The following CABP5 variants were observed in gnomAD, a reference collection of about 807,000 sequenced individuals.
CABP5 encodes calcium binding protein 5, also known as calcium-binding protein 5.
A neutral mutation model predicts 21.9 loss-of-function variants in CABP5; 17 were observed. The ratio of observed to expected loss-of-function variants is 0.78; its 90% CI spans 0.53 to 1.17. The LOEUF is 1.17. Among genes scored for constraint, CABP5 ranks in the 50% most tolerant of loss-of-function variants. CABP5 has a pLI of 0.00. For missense variants in CABP5, 229 were observed against 228.9 expected, an observed-to-expected ratio of 1.00 and a Z score of 0.00; for synonymous variants, 85 against 79.4, an observed-to-expected ratio of 1.07 and a Z score of -0.37.
intron 4 of CABP5, among the ~76,000 whole-genome samples, chr19:48,034,746 A>T (rs372720915): frequency 2.0e-5 from 3 of 151,700 alleles, no homozygotes; most frequent in African/African-American, 7.3e-5. Context: ...GGGTTTCACC[A>T]TGTTGGCCAG....
At chr19:48,042,580 CT>C (rs71181635) in intron 1 of CABP5, among the ~76,000 whole-genome samples, 6 of 128,470 alleles carry the variant, frequency 4.7e-5, no homozygotes, top group East Asian at 2.0e-4. Flanking sequence ...TTCTCTCTCT[CT>C]TTTTTTTTTT....
At chr19:48,043,758 C>G in intron 1 of CABP5, 102 bp downstream of exon 1, 1 of 1,001,154 alleles carries the variant, frequency 1.0e-6, no homozygotes, top group Non-Finnish European at 1.4e-6. Flanking sequence ...CTCTATCCAC[C>G]TGTTCCCCTG....
At chr19:48,038,416 C>G (rs1006450204) in intron 4 of CABP5, among the ~76,000 whole-genome samples, 7 of 152,202 alleles carry the variant, frequency 4.6e-5, no homozygotes, top group African/African-American at 1.7e-4. Flanking sequence ...GTCTGTTATT[C>G]TCACTGGGTC....
chr19:48,031,265 C>T (rs1032966656), intron 5 of CABP5, among the ~76,000 whole-genome samples: 5 of 152,132 alleles, frequency 3.3e-5, no homozygotes, highest in African/African-American at 9.7e-5. Context: ...GTTGGCCGGG[C>T]GCGGTGGCTC....
At position 48,039,206 on chromosome 19, in the gene CABP5, A is replaced by T; in HGVS notation, c.348+2T>A. ...ACCAGCACCATGACACTGTTAACTC[A>T]CCTCCTTGAAGGCATCCCGCATCTC... On this transcript the variant is annotated splice_donor_variant, in intron 4 of 5. Coordinates refer to ENST00000293255, the MANE Select transcript of CABP5 (RefSeq NM_019855.5). LOFTEE classifies it high-confidence loss of function. 1.2e-6 allele frequency: 2 copies of T among 1,610,614 alleles called. No individual in the cohort carries two copies. Among genetic ancestry groups the T allele is most frequent in the Non-Finnish European group, 1.7e-6 (2 of 1,177,200 alleles).
At chr19:48,033,014 C>CTTTT (rs370570252) in intron 5 of CABP5, among the ~76,000 whole-genome samples, 4 of 123,282 alleles carry the variant, frequency 3.2e-5, no homozygotes, top group African/African-American at 8.8e-5. Context: ...ACTTGACATG[C>CTTTT]TTTTTTTTTT....
At chr19:48,034,963 C>G (rs560618977) in intron 4 of CABP5, among the ~76,000 whole-genome samples, 1 of 152,214 alleles carries the variant, frequency 6.6e-6, no homozygotes, top group South Asian at 2.1e-4. Context: ...CAGTCCTGAG[C>G]CAAAGTGCCC....
chr19:48,030,534 G>A lies in CABP5; in HGVS notation c.*23C>T. ...TGCTCCATGTTGACCAGGTGGAGAG[G>A]GTCTGGAGCTTCCAGGACCTCCTCA... On this transcript the variant is annotated 3_prime_UTR_variant, in exon 6 of 6. Coordinates refer to ENST00000293255, the MANE Select transcript of CABP5 (RefSeq NM_019855.5). The A allele has an allele frequency of 6.2e-7, 1 of 1,609,800 alleles. No individual in the cohort carries two copies. Among genetic ancestry groups the A allele is most frequent in the Non-Finnish European group, 8.5e-7 (1 of 1,178,464 alleles).
At chr19:48,042,644 G>A (rs1224268033) in intron 1 of CABP5, among the ~76,000 whole-genome samples, 10 of 150,314 alleles carry the variant, frequency 6.7e-5, no homozygotes, top group Non-Finnish European at 1.3e-4. Context: ...GCACGAACTC[G>A]GCTCACTGCA....
intron 5 of CABP5, among the ~76,000 whole-genome samples, chr19:48,031,471 T>A (rs1399595268): frequency 6.6e-6 from 1 of 151,946 alleles, no homozygotes; most frequent in Non-Finnish European, 1.5e-5. Context: ...ACCCAGGAGG[T>A]GGAGGTTGCA....
At chr19:48,039,117 G>T in intron 4 of CABP5, 91 bp downstream of exon 4, 2 of 952,320 alleles carry the variant, frequency 2.1e-6, no homozygotes, top group Non-Finnish European at 3.4e-6. Context: ...GGGCCTGGTT[G>T]GTGGGTGCTG....
intron 1 of CABP5, among the ~76,000 whole-genome samples, chr19:48,043,110 A>C (rs1283550439): frequency 6.6e-6 from 1 of 151,800 alleles, no homozygotes; most frequent in East Asian, 2.0e-4. Flanking sequence ...CCTGGGCTCA[A>C]GCGATCCTCC....
rs1415157040 is a variant in CABP5, at chr19:48,034,330, C to G, written c.381G>C (p.Leu127=). The change falls in exon 5 of 6, where the codon CTG becomes CTC. Residue 127 remains leucine, a synonymous_variant. Coordinates refer to ENST00000293255, the MANE Select transcript of CABP5 (RefSeq NM_019855.5). ...FDTNGDGEIT[L]VELQQAMQRL... ...TCTGCATGGCCTGCTGTAGCTCCAC[C>G]AGGGTGATCTCCCCATCTCCATTCG... 1 of 1,597,664 alleles carries G rather than the reference C, an allele frequency of 6.3e-7. No homozygotes were observed. Among genetic ancestry groups the G allele is most frequent in the Admixed American group, 1.8e-5 (1 of 56,728 alleles).
At chr19:48,034,401 A>T (rs1967381415) in intron 4 of CABP5, 39 bp from the exon 5 acceptor site, 9 of 1,416,300 alleles carry the variant, frequency 6.4e-6, no homozygotes, top group South Asian at 1.7e-5. Context: ...AGCAATGACA[A>T]TGATGATAGC....
rs57230665 is a variant in CABP5 at position 48,037,259 on chromosome 19, CT to C, written c.348+1948del. ...AAGTACACAATGGAATACTATTCAG[CT>C]TTTTTTTTTTTTTTTTTTTTTTTTT... is the stretch of plus-strand genomic sequence containing the variant. On this transcript the variant is annotated intron_variant, in intron 4 of 5. Transcript: ENST00000293255. Among the ~76,000 whole-genome samples the C allele has an allele frequency of 8.0e-4, 36 of 44,972 alleles. No individual in the cohort carries two copies. The South Asian group carries it at 9.6e-3, about 12-fold the overall frequency. 29.5% of individuals were successfully genotyped at this position (44,972 alleles called of 152,430 possible).
intron 1 of CABP5, among the ~76,000 whole-genome samples, chr19:48,042,581 T>TCTC (rs374741958): frequency 2.9e-5 from 3 of 104,680 alleles, no homozygotes; most frequent in South Asian, 5.9e-4. Flanking sequence ...TCTCTCTCTC[T>TCTC]TTTTTTTTTT....
intron 3 of CABP5, 27 bp downstream of exon 3, chr19:48,040,578 G>GCCATCC: frequency 6.2e-7 from 1 of 1,612,446 alleles, no homozygotes; most frequent in Non-Finnish European, 8.5e-7. Flanking sequence ...CCTAACCCCG[G>GCCATCC]CCATCCCTCC....
rs760491853 is a variant in CABP5, at chr19:48,041,592, C to T, written c.75G>A (p.Leu25=). The T allele has an allele frequency of 1.1e-5, 17 of 1,611,278 alleles. No homozygotes were observed. The East Asian group carries it at 3.8e-4, about 36-fold the overall frequency. ...TGTTACCTTCAATCTCATCTTGTCC[C>T]AGTGGTCTTTCCTGGAAAGGAATGC... ...GIAEKQRERP[L]GQDEIEELRE... The change falls in exon 2 of 6, where the codon CTG becomes CTA. Residue 25 remains leucine, a synonymous_variant. Transcript: ENST00000293255.
intron 5 of CABP5, 33 bp downstream of exon 5, chr19:48,034,181 GC>G: frequency 4.0e-6 from 6 of 1,487,912 alleles, no homozygotes; most frequent in East Asian, 2.6e-5. Flanking sequence ...TGCGGTGGCT[GC>G]CCCCGCTCCC....
Sources: gnomAD v4.1 joint callset for allele counts (sites outside exome capture counted in the v4.1 genomes callset) on GRCh38, gnomAD v4.1.1 for gene constraint, MANE v1.5 for transcripts, NCBI Gene and HGNC (gene_info 2026-07-23, HGNC 2026-07-21) for gene names.